The following IPPK variants were observed in gnomAD, a reference collection of about 807,000 sequenced individuals.
IPPK encodes inositol-pentakisphosphate 2-kinase, also known as IPK1 homolog.
IPPK carries 22 observed loss-of-function variants against 64.6 expected under a neutral mutation model. That is an observed-to-expected ratio of 0.34 (90% CI 0.24 to 0.49). The LOEUF (loss-of-function observed/expected upper bound fraction) is 0.49. Among genes scored for constraint, IPPK ranks in the 20% least tolerant of loss-of-function variants. The pLI, the probability that IPPK is intolerant of heterozygous loss-of-function variation, is 0.99. For synonymous variants in IPPK, 262 were observed against 247.2 expected, an observed-to-expected ratio of 1.06 and a Z score of -0.56; for missense variants, 532 against 630.7, an observed-to-expected ratio of 0.84 and a Z score of 1.68.
chr9:92,656,886 T>G (rs779222977), intron 2 of IPPK, among the ~76,000 whole-genome samples: 1 of 152,162 alleles, frequency 6.6e-6, no homozygotes, highest in African/African-American at 2.4e-5. Context: ...ACCTCCGACA[T>G]CTCACATCTC....
At chr9:92,620,157 G>C (rs1851582655) in intron 11 of IPPK, 1 of 157,544 alleles carries the variant, frequency 6.3e-6, no homozygotes, top group South Asian at 1.9e-4. Flanking sequence ...AACAGACACA[G>C]ACATCACTTG....
intron 5 of IPPK, among the ~76,000 whole-genome samples, chr9:92,648,662 G>T (rs1474558424): frequency 6.6e-6 from 1 of 152,212 alleles, no homozygotes; most frequent in Non-Finnish European, 1.5e-5. Flanking sequence ...CACTGGAGAT[G>T]GTGGCTGGGG....
Position 92,613,341 on chromosome 9 carries a change from A to G in IPPK, c.*2491T>C. On this transcript the variant is annotated 3_prime_UTR_variant, in exon 13 of 13. Transcript: ENST00000287996. ...ACAACTAGTTAAGTATAAAATGCCAAATAAAAGTGACACGTACAATGTGGT... is the reference window on the plus strand; with the variant it reads ...ACAACTAGTTAAGTATAAAATGCCAGATAAAAGTGACACGTACAATGTGGT... The G allele has an allele frequency of 1.7e-6, 1 of 594,202 alleles. No individual in the cohort carries two copies. The highest frequency in any genetic ancestry group is 2.0e-5 in the South Asian group (1 of 48,880). 36.8% of individuals were successfully genotyped at this position (594,202 alleles called of 1,614,324 possible). A position where few individuals can be genotyped will look rare whatever the true frequency, so the allele number is the denominator to read the frequency against.
chr9:92,622,316 TAAAG>T (rs1851654939), intron 11 of IPPK, among the ~76,000 whole-genome samples: 1 of 151,796 alleles, frequency 6.6e-6, no homozygotes, highest in African/African-American at 2.4e-5. Flanking sequence ...TGAAGTAAAA[TAAAG>T]AAGTGAAAGG....
chr9:92,629,164 C>T (rs1030782286), intron 11 of IPPK, among the ~76,000 whole-genome samples: 1 of 152,064 alleles, frequency 6.6e-6, no homozygotes, highest in Admixed American at 6.6e-5. Flanking sequence ...GATCAAACAC[C>T]TAACTATAAG....
chr9:92,629,850 T>A (rs934638410), intron 11 of IPPK, among the ~76,000 whole-genome samples: 7 of 152,066 alleles, frequency 4.6e-5, no homozygotes, highest in African/African-American at 1.4e-4. Context: ...CACTGCACAC[T>A]CTCGACGACG....
At chr9:92,628,928 A>G (rs930960968) in intron 11 of IPPK, among the ~76,000 whole-genome samples, 3 of 152,226 alleles carry the variant, frequency 2.0e-5, no homozygotes, top group African/African-American at 7.2e-5. Flanking sequence ...ATCTACATGC[A>G]AAAGAATATT....
intron 12 of IPPK, chr9:92,616,316 G>A (rs1432628586): frequency 3.1e-5 from 13 of 422,944 alleles, no homozygotes; most frequent in Non-Finnish European, 4.8e-5. Flanking sequence ...AGCGTGCAAA[G>A]CTTCCTCAGG....
At chr9:92,669,763 G>C in intron 1 of IPPK, 145 bp downstream of exon 1, 1 of 620,258 alleles carries the variant, frequency 1.6e-6, no homozygotes. Flanking sequence ...GCTGGAGGGT[G>C]GGGGAATTCC....
In IPPK at chr9:92,649,561, G is replaced by T; in HGVS notation, c.306C>A (p.Asp102Glu). The part of the protein sequence containing the change: ...IQSERPESRC[D>E]KDLDTLSGYA... Reference sequence around the variant, plus strand: ...AACCACTGAGAGTATCCAGGTCCTTGTCACAGCGAGACTCTGGAAAACAGA... The same window carrying T: ...AACCACTGAGAGTATCCAGGTCCTTTTCACAGCGAGACTCTGGAAAACAGA... The change falls in exon 5 of 13, where the codon GAC becomes GAA. Residue 102 changes from aspartate to glutamate, a missense_variant. Coordinates refer to ENST00000287996, the MANE Select transcript of IPPK (RefSeq NM_022755.6). 6.2e-7 allele frequency: 1 copy of T among 1,614,056 alleles called. No homozygotes were observed. The highest frequency in any genetic ancestry group is 8.5e-7 in the Non-Finnish European group (1 of 1,179,978).
intron 4 of IPPK, among the ~76,000 whole-genome samples, chr9:92,650,485 C>A (rs1486687076): frequency 6.6e-6 from 1 of 152,072 alleles, no homozygotes; most frequent in East Asian, 1.9e-4. Flanking sequence ...AGTGAAAACT[C>A]TGGACAACAA....
chr9:92,658,543 C>A, intron 2 of IPPK, 91 bp downstream of exon 2: 1 of 1,056,668 alleles, frequency 9.5e-7, no homozygotes, highest in South Asian at 1.3e-5. Flanking sequence ...TTGAATGCTA[C>A]AACTAGCATC....
Position 92,634,490 on chromosome 9 carries a change from T to TGAA in IPPK, c.1068-5_1068-3dup. On this transcript the variant is annotated splice_region_variant and splice_polypyrimidine_tract_variant and intron_variant, in intron 10 of 12. Transcript: ENST00000287996. ...GGCCCATCTATTTGTAAGGTTTTTC[T>TGAA]GAAGAAGAAAGCACAATAAAAACAG... 6.2e-7 allele frequency: 1 copy of TGAA among 1,609,222 alleles called. No homozygotes were observed. The highest frequency in any genetic ancestry group is 8.5e-7 in the Non-Finnish European group (1 of 1,175,534).
chr9:92,653,512 T>C (rs527629455), intron 3 of IPPK, among the ~76,000 whole-genome samples: 1 of 152,304 alleles, frequency 6.6e-6, no homozygotes, highest in African/African-American at 2.4e-5. Flanking sequence ...CAGAATTAGG[T>C]AAGGTGACAC....
intron 11 of IPPK, among the ~76,000 whole-genome samples, chr9:92,620,793 A>T (rs1176660696): frequency 6.6e-6 from 1 of 152,154 alleles, no homozygotes; most frequent in Non-Finnish European, 1.5e-5. Flanking sequence ...AGCAGCTCCT[A>T]TCCTTACACT....
chr9:92,622,086 C>T (rs1851649318), intron 11 of IPPK, among the ~76,000 whole-genome samples: 1 of 152,084 alleles, frequency 6.6e-6, no homozygotes, highest in South Asian at 2.1e-4. Context: ...ATGATCATCT[C>T]AATAGAAATA....
intron 5 of IPPK, 35 bp from the exon 6 acceptor site, chr9:92,648,183 A>C (rs1163350270): frequency 2.0e-6 from 3 of 1,476,232 alleles, no homozygotes; most frequent in Non-Finnish European, 1.9e-6. Flanking sequence ...AAAAATATTT[A>C]GGAAGAAATC....
At chr9:92,639,642 T>TG (rs1200789385) in intron 8 of IPPK, among the ~76,000 whole-genome samples, 2 of 152,180 alleles carry the variant, frequency 1.3e-5, no homozygotes, top group African/African-American at 2.4e-5. Flanking sequence ...AGGATCCACC[T>TG]GGGATAACAT....
intron 5 of IPPK, among the ~76,000 whole-genome samples, chr9:92,648,853 G>A (rs1408843965): frequency 6.6e-6 from 1 of 152,216 alleles, no homozygotes; most frequent in African/African-American, 2.4e-5. Context: ...CTGAAGCAAG[G>A]GGGGCCCTGG....
Sources: gnomAD v4.1 joint callset for allele counts (sites outside exome capture counted in the v4.1 genomes callset) on GRCh38, gnomAD v4.1.1 for gene constraint, MANE v1.5 for transcripts, NCBI Gene and HGNC (gene_info 2026-07-23, HGNC 2026-07-21) for gene names.